COL6A5: variants seen among roughly 807,000 people sequenced by gnomAD.
COL6A5 encodes collagen alpha-5(VI) chain.
Under a neutral mutation model 65.6 loss-of-function variants are expected in COL6A5, and 48 were observed. The observed-to-expected ratio is 0.73, with a 90% CI of 0.58 to 0.93. The LOEUF (loss-of-function observed/expected upper bound fraction) is 0.93. Ranked by LOEUF, COL6A5 falls within the 40% of genes least tolerant of loss-of-function variation. The pLI, the probability that COL6A5 is intolerant of heterozygous loss-of-function variation, is 0.00. For synonymous variants in COL6A5, 291 were observed against 322.8 expected (o/e 0.90, Z 1.05); for missense variants, 914 against 928.3 (o/e 0.98, Z 0.20).
chr3:130,475,867 G>A (rs995815694), intron 7 of COL6A5, among the ~76,000 whole-genome samples: 7 of 152,116 alleles, frequency 4.6e-5, no homozygotes, highest in African/African-American at 1.7e-4. Context: ...AAACCCTTGT[G>A]TGGGAGACAG....
chr3:130,471,102 T>TGTG, intron 7 of COL6A5, 135 bp downstream of exon 39: 1 of 537,834 alleles, frequency 1.9e-6, no homozygotes, highest in South Asian at 2.5e-5. Flanking sequence ...GTGTGTGTGT[T>TGTG]TTAAATGCTA....
intron 1 of COL6A5, among the ~76,000 whole-genome samples, chr3:130,363,906 T>G (rs1424886565): frequency 2.0e-5 from 3 of 152,216 alleles, no homozygotes; most frequent in African/African-American, 7.2e-5. Context: ...TACTTGTGAT[T>G]TTCTGTATCC....
At chr3:130,433,058 G>C (rs1018326806) in intron 1 of COL6A5, among the ~76,000 whole-genome samples, 4 of 152,042 alleles carry the variant, frequency 2.6e-5, no homozygotes, top group Admixed American at 1.3e-4. Context: ...ACCATATAAA[G>C]AGAAAGAATC....
chr3:130,438,405 G>GAATGAA (rs1559903605), intron 1 of COL6A5, among the ~76,000 whole-genome samples: 6 of 147,694 alleles, frequency 4.1e-5, no homozygotes, highest in African/African-American at 1.5e-4. Context: ...GAGTGAATGA[G>GAATGAA]TGAATGAATG....
At chr3:130,375,497 T>G (rs1319653246) in intron 2 of COL6A5, among the ~76,000 whole-genome samples, 1 of 152,080 alleles carries the variant, frequency 6.6e-6, no homozygotes, top group Non-Finnish European at 1.5e-5. Flanking sequence ...AATCAAGCAC[T>G]TTCATCTGAA....
chr3:130,421,567 C>T (rs2107684818), intron 27 of COL6A5, among the ~76,000 whole-genome samples: 1 of 152,200 alleles, frequency 6.6e-6, no homozygotes, highest in Non-Finnish European at 1.5e-5. Context: ...TTGCCTGATG[C>T]CTCTGCCTTG....
In COL6A5 at chr3:130,416,744, AT is replaced by A. The variant is rs370724227; in HGVS notation, c.4825-4del. The stretch of plus-strand genomic sequence containing the variant: ...TACGGTGCCAACATTTTAGTCTCTA[AT>A]TTTTTTTTCAGGGTTCTCCTGGGCT... On this transcript the variant is annotated splice_polypyrimidine_tract_variant and intron_variant and NMD_transcript_variant, in intron 23 of 41. Transcript: ENST00000312481. 1.2e-4 allele frequency: 174 copies of A among 1,403,410 alleles called. No homozygotes were observed. Among genetic ancestry groups the A allele is most frequent in the African/African-American group, 5.3e-4 (37 of 69,232 alleles). The allele number at this position is 1,403,410 out of a possible 1,614,324, so 86.9% of individuals were successfully genotyped here. A position where few individuals can be genotyped will look rare whatever the true frequency, so the allele number is the denominator to read the frequency against.
intron 2 of COL6A5, among the ~76,000 whole-genome samples, chr3:130,439,842 T>C (rs1041765576): frequency 3.0e-5 from 3 of 101,318 alleles, no homozygotes; most frequent in Admixed American, 9.1e-5. Flanking sequence ...GTAGCATTTC[T>C]TGGGGACAAT....
exon 1 of COL6A5, chr3:130,345,938 C>A (rs1317692757): frequency 2.5e-6 from 1 of 398,592 alleles, no homozygotes; most frequent in Non-Finnish European, 4.4e-6. Flanking sequence ...GAGTTGGGGG[C>A]GGTTTCCAGG....
intron 1 of COL6A5, among the ~76,000 whole-genome samples, chr3:130,435,969 T>C (rs924198952): frequency 6.6e-6 from 1 of 152,150 alleles, no homozygotes; most frequent in Admixed American, 6.6e-5. Context: ...TCCTATAATA[T>C]GTTGAACAGG....
chr3:130,431,393 T>G (rs2107693841), upstream of COL6A5: 1 of 1,507,998 alleles, frequency 6.6e-7, no homozygotes, highest in East Asian at 2.5e-5. Flanking sequence ...CCCACTTCAT[T>G]GGAGTAAAGA....
rs552616835 is a variant in COL6A5, at chr3:130,452,727, G to C, written c.1333-2728G>C. Among the ~76,000 whole-genome samples, 17 of 152,208 alleles carry C rather than the reference G, an allele frequency of 1.1e-4. 1 individual carries two copies. Among genetic ancestry groups the C allele is most frequent in the Admixed American group, 4.6e-4 (7 of 15,282 alleles). On this transcript the variant is annotated intron_variant, in intron 4 of 7. Coordinates refer to ENST00000512836, the Ensembl canonical transcript of COL6A5. ...AGGAGACAGGGTTTGAGAGCAACTG[G>C]TCTGACCAAATTTATTAGGTGGGAA... is the stretch of plus-strand genomic sequence containing the variant.
chr3:130,376,479 A>G (rs775561888), exon 3 of COL6A5: 2 of 1,607,764 alleles, frequency 1.2e-6, no homozygotes, highest in Non-Finnish European at 1.7e-6. Flanking sequence ...CTTTCAGTTC[A>G]TTGGCGGGTC....
At chr3:130,402,399 G>C (rs1023434492) in intron 12 of COL6A5, among the ~76,000 whole-genome samples, 1 of 152,108 alleles carries the variant, frequency 6.6e-6, no homozygotes, top group Non-Finnish European at 1.5e-5. Context: ...TACAACAATA[G>C]GATGAATAAA....
intron 1 of COL6A5, among the ~76,000 whole-genome samples, chr3:130,362,761 A>G (rs1935189660): frequency 6.6e-6 from 1 of 152,190 alleles, no homozygotes; most frequent in Non-Finnish European, 1.5e-5. Flanking sequence ...ATCCATGAAC[A>G]TGGAATATCT....
At chr3:130,394,899 T>C in exon 8 of COL6A5, 1 of 1,549,644 alleles carries the variant, frequency 6.5e-7, no homozygotes, top group South Asian at 1.2e-5. Flanking sequence ...GTCTGTCATC[T>C]TCAGGAAGCT....
At chr3:130,397,762 G>A in exon 9 of COL6A5, 1 of 1,551,652 alleles carries the variant, frequency 6.4e-7, no homozygotes. Flanking sequence ...GGCGTTTAAG[G>A]TGAACAGTGA....
rs1298894878 is a variant in COL6A5 at position 130,397,753 on chromosome 3, G to A, written c.3739G>A (p.Ala1247Thr). ...TGGCACAGAGGCACAGGTGAGCTTGGCGTTTAAGGTGAACAGTGACCAAGG... is the reference window on the plus strand; with the variant it reads ...TGGCACAGAGGCACAGGTGAGCTTGACGTTTAAGGTGAACAGTGACCAAGG... The change falls in exon 9 of 42, where the codon GCG (alanine) becomes ACG (threonine). Residue 1247 changes from alanine (A) to threonine (T), a missense_variant and NMD_transcript_variant. By Grantham distance (58) the Ala-to-Thr change is moderately conservative. Coordinates refer to the COL6A5 transcript ENST00000312481. 1.0e-5 allele frequency: 16 copies of A among 1,551,562 alleles called. No individual in the cohort carries two copies. The highest frequency in any genetic ancestry group is 1.4e-5 in the Non-Finnish European group (16 of 1,147,004).
At chr3:130,438,698 G>A (rs1410696988) in intron 1 of COL6A5, among the ~76,000 whole-genome samples, 1 of 152,144 alleles carries the variant, frequency 6.6e-6, no homozygotes, top group African/African-American at 2.4e-5. Context: ...AAGAGAAAAA[G>A]CATGAACATC....
Sources: gnomAD v4.1 joint callset for allele counts (sites outside exome capture counted in the v4.1 genomes callset) on GRCh38, gnomAD v4.1.1 for gene constraint, MANE v1.5 for transcripts, NCBI Gene and HGNC (gene_info 2026-07-23, HGNC 2026-07-21) for gene names.